The following ADAMTS9 variants were observed in gnomAD, a reference collection of about 807,000 sequenced individuals.
The protein encoded by ADAMTS9 is A disintegrin and metalloproteinase with thrombospondin motifs 9.
Under a neutral mutation model 257.1 loss-of-function variants are expected in ADAMTS9, and 107 were observed. The ratio of observed to expected loss-of-function variants is 0.42; its 90% CI spans 0.36 to 0.49. The LOEUF (loss-of-function observed/expected upper bound fraction) is 0.49. Among genes scored for constraint, ADAMTS9 ranks in the 20% least tolerant of loss-of-function variants. The pLI, the probability that ADAMTS9 is intolerant of heterozygous loss-of-function variation, is 0.03. For missense variants in ADAMTS9, 2,353 were observed against 2,469.1 expected (o/e 0.95, Z 1.00); for synonymous variants, 982 against 880.9 (o/e 1.11, Z -2.03).
Position 64,686,057 on chromosome 3 carries a change from TG to T in ADAMTS9, c.516+510del, listed in dbSNP as rs1701896857. 6.6e-6 allele frequency among the ~76,000 whole-genome samples: 1 copy of T among 152,166 alleles called. No homozygotes were observed. On this transcript the variant is annotated intron_variant, in intron 2 of 39. Transcript: ENST00000498707. The surrounding 1 kb of genome is among the most constrained non-coding windows in gnomAD (Gnocchi z 4.6). ...GTTCCTGGCGCGTGAATAAAGGCCC[TG>T]AGAGAAAGCGGGGACTCTAGATTAC...
At chr3:64,529,818 G>A (rs188666695) in intron 38 of ADAMTS9, among the ~76,000 whole-genome samples, 2 of 151,828 alleles carry the variant, frequency 1.3e-5, no homozygotes, top group Non-Finnish European at 2.9e-5. Context: ...CATGTGGTGG[G>A]TTTTGTTTTG....
chr3:64,607,056 T>A lies in ADAMTS9; in HGVS notation c.3378A>T (p.Gly1126=), dbSNP rs1160241011. ...TGCATTTCACTGCTCTTAGCTGGTA[T>A]CCCTGTCCACAAGTGACACTGCACT... ...WGQCSVTCGQ[G]YQLRAVKCII... Residue 1126 remains glycine (G), a synonymous_variant, in exon 23 of 40, where the codon GGA becomes GGT. Coordinates refer to ENST00000498707, the MANE Select transcript of ADAMTS9 (RefSeq NM_182920.2). The A allele has an allele frequency of 6.2e-7, 1 of 1,613,720 alleles. No homozygotes were observed. Among genetic ancestry groups the A allele is most frequent in the East Asian group, 2.2e-5 (1 of 44,864 alleles).
In ADAMTS9 at chr3:64,525,939, TATAATATA is replaced by T. The variant is rs572037436; in HGVS notation, c.5719-3687_5719-3680del. 2.8e-3 allele frequency among the ~76,000 whole-genome samples: 415 copies of T among 148,128 alleles called. 2 individuals are homozygous for T. The highest frequency in any genetic ancestry group is 4.6e-3 in the Non-Finnish European group (308 of 67,168). Reference sequence around the variant, plus strand: ...AGAAAAATTATATTTACCAATATAATATAATATAATAAACATTTATATAAAATTTATGT... The same window carrying T: ...AGAAAAATTATATTTACCAATATAATATAAACATTTATATAAAATTTATGT... On this transcript the variant is annotated intron_variant, in intron 38 of 39. Coordinates refer to ENST00000498707, the MANE Select transcript of ADAMTS9 (RefSeq NM_182920.2).
intron 22 of ADAMTS9, among the ~76,000 whole-genome samples, chr3:64,609,042 A>G (rs1372580855): frequency 1.3e-5 from 2 of 152,176 alleles, no homozygotes; most frequent in Non-Finnish European, 2.9e-5. Flanking sequence ...ATCTAAATTA[A>G]AGAAAACCAT....
intron 28 of ADAMTS9, among the ~76,000 whole-genome samples, chr3:64,573,873 TA>T (rs1226854860): frequency 6.6e-6 from 1 of 152,096 alleles, no homozygotes; most frequent in Non-Finnish European, 1.5e-5. Context: ...CACAAGGATA[TA>T]GATTTAGTGA....
chr3:64,526,119 T>C (rs1307150941), intron 38 of ADAMTS9, among the ~76,000 whole-genome samples: 1 of 147,870 alleles, frequency 6.8e-6, no homozygotes, highest in Non-Finnish European at 1.5e-5. Flanking sequence ...TATAAATATA[T>C]TTACTATAGA....
chr3:64,544,318 G>A (rs1317188453), intron 32 of ADAMTS9, among the ~76,000 whole-genome samples: 1 of 152,114 alleles, frequency 6.6e-6, no homozygotes, highest in Non-Finnish European at 1.5e-5. Context: ...ACAATCCTAA[G>A]CCGAAAGAAC....
intron 28 of ADAMTS9, chr3:64,582,711 C>G (rs1322714609): frequency 2.0e-5 from 3 of 152,206 alleles, no homozygotes; most frequent in South Asian, 2.1e-4. Context: ...ATGTCCCAAA[C>G]AGTCCCTACA....
chr3:64,600,333 T>G (rs1289065353), intron 26 of ADAMTS9, among the ~76,000 whole-genome samples: 2 of 152,108 alleles, frequency 1.3e-5, no homozygotes, highest in Non-Finnish European at 2.9e-5. Flanking sequence ...AATCACATTG[T>G]CCAGCTTCAG....
chr3:64,530,618 C>A (rs2082969058), intron 38 of ADAMTS9, among the ~76,000 whole-genome samples: 1 of 151,894 alleles, frequency 6.6e-6, no homozygotes, highest in African/African-American at 2.4e-5. Flanking sequence ...TGGGGAACAG[C>A]CAGTGTAGTG....
Position 64,516,502 on chromosome 3 carries a change from A to G in ADAMTS9, c.*625T>C, listed in dbSNP as rs2106858105. 1 of 152,706 alleles carries G rather than the reference A, an allele frequency of 6.5e-6. No individual in the cohort carries two copies. Among genetic ancestry groups the G allele is most frequent in the Middle Eastern group, 3.4e-3 (1 of 294 alleles). The allele number at this position is 152,706 out of a possible 1,614,324, so 9.5% of individuals were successfully genotyped here. ...CCTCCCTTTCATTAAAAGTGTTTAT[A>G]TTTCTGAGTCGGATGATCATTTAAA... On this transcript the variant is annotated 3_prime_UTR_variant, in exon 40 of 40. Transcript: ENST00000498707.
Position 64,687,462 on chromosome 3 carries a change from T to C in ADAMTS9, c.115+81A>G. 2 of 1,141,296 alleles carry C rather than the reference T, an allele frequency of 1.8e-6. No homozygotes were observed. 70.7% of individuals were successfully genotyped at this position (1,141,296 alleles called of 1,614,324 possible). Reference sequence around the variant, plus strand: ...CTAGGAAAAGGAGAGAAGCCTCCGCTGCGGGGTGCCCCTGCCCAGGAGCGA... The same window carrying C: ...CTAGGAAAAGGAGAGAAGCCTCCGCCGCGGGGTGCCCCTGCCCAGGAGCGA... On this transcript the variant is annotated intron_variant, in intron 1 of 39. Transcript: ENST00000498707. This position sits in a 1 kb window ranked among gnomAD's most constrained non-coding sequence, Gnocchi z 4.4.
At chr3:64,558,185 T>C (rs1260720013) in intron 30 of ADAMTS9, among the ~76,000 whole-genome samples, 3 of 152,212 alleles carry the variant, frequency 2.0e-5, no homozygotes, top group African/African-American at 4.8e-5. Flanking sequence ...GTATTTGGCA[T>C]CGGATTAGTG....
chr3:64,536,691 A>G (rs375596015), intron 37 of ADAMTS9, among the ~76,000 whole-genome samples: 1 of 152,298 alleles, frequency 6.6e-6, no homozygotes, highest in African/African-American at 2.4e-5. Flanking sequence ...AGGCATTTTC[A>G]TAGAATACTG....
Position 64,603,968 on chromosome 3 carries a change from C to T in ADAMTS9, c.3701G>A (p.Cys1234Tyr), listed in dbSNP as rs373146042. ...CCATTGCCCACAGGGTGTCACAGAA[C>T]ATTCTTCCTTTGCCACTGGTCTAGG... is the stretch of plus-strand genomic sequence containing the variant. ...TLPRPVAKEE[C>Y]SVTPCGQWKA... The change falls in exon 25 of 40, where the codon TGT (cysteine) becomes TAT (tyrosine). Residue 1234 changes from cysteine to tyrosine, a missense_variant. Physicochemically the swap from Cys to Tyr is radical, Grantham distance 194 (BLOSUM62 -2). Around this residue, in one of 3 missense-constraint regions of ADAMTS9, gnomAD observed 1,402 missense variants for 1,441.4 expected, o/e 0.97. Coordinates refer to ENST00000498707, the MANE Select transcript of ADAMTS9 (RefSeq NM_182920.2). The T allele has an allele frequency of 1.7e-5, 28 of 1,613,924 alleles. No homozygotes were observed. The highest frequency in any genetic ancestry group is 2.2e-5 in the East Asian group (1 of 44,860).
intron 3 of ADAMTS9, among the ~76,000 whole-genome samples, chr3:64,670,585 G>A (rs1701463512): frequency 1.3e-5 from 2 of 152,164 alleles, no homozygotes; most frequent in South Asian, 4.1e-4. Flanking sequence ...TGAAAGACAA[G>A]CCACAATCTG....
chr3:64,652,212 C>T (rs1170526472), intron 8 of ADAMTS9, among the ~76,000 whole-genome samples: 1 of 152,184 alleles, frequency 6.6e-6, no homozygotes, highest in Non-Finnish European at 1.5e-5. Context: ...GACAGAAGCA[C>T]ATAGACTTGC....
chr3:64,593,789 T>C lies in ADAMTS9; in HGVS notation c.4356+469A>G, dbSNP rs185111904. Among the ~76,000 whole-genome samples the C allele has an allele frequency of 5.3e-3, 810 of 152,284 alleles. 2 individuals are homozygous for C. The highest frequency in any genetic ancestry group is 9.2e-3 in the Non-Finnish European group (625 of 68,018). Reference sequence around the variant, plus strand: ...GGCACAGACTTTGTAAAAATTATGTTCAGAGCTGTACCCGAGTCACACAGG... The same window carrying C: ...GGCACAGACTTTGTAAAAATTATGTCCAGAGCTGTACCCGAGTCACACAGG... On this transcript the variant is annotated intron_variant, in intron 28 of 39. Coordinates refer to ENST00000498707, the MANE Select transcript of ADAMTS9 (RefSeq NM_182920.2).
intron 39 of ADAMTS9, among the ~76,000 whole-genome samples, chr3:64,519,705 A>G (rs1318910687): frequency 6.6e-6 from 1 of 152,184 alleles, no homozygotes; most frequent in Non-Finnish European, 1.5e-5. Flanking sequence ...CAATATGACC[A>G]TATCAATAGA....
Sources: gnomAD v4.1 joint callset for allele counts (sites outside exome capture counted in the v4.1 genomes callset) on GRCh38, gnomAD v4.1.1 for gene constraint, gnomAD v4.1.1 regional missense constraint, Gnocchi (gnomAD v3.1) non-coding constraint, MANE v1.5 for transcripts, NCBI Gene and HGNC (gene_info 2026-07-23, HGNC 2026-07-21) for gene names.